MTCH2: variants seen among roughly 807,000 people sequenced by gnomAD.
MTCH2 encodes the protein mitochondrial carrier 2.
Under a neutral mutation model 50.6 loss-of-function variants are expected in MTCH2, and 25 were observed. That is an observed-to-expected ratio of 0.49 (90% CI 0.36 to 0.69). MTCH2 has a LOEUF of 0.69. Among genes scored for constraint, MTCH2 ranks in the 30% least tolerant of loss-of-function variants. MTCH2 has a pLI of 0.00. For missense variants in MTCH2, 273 were observed against 384.4 expected, an observed-to-expected ratio of 0.71 and a Z score of 2.42; for synonymous variants, 106 against 132.0, an observed-to-expected ratio of 0.80 and a Z score of 1.35.
chr11:47,612,039 G>A, the MTCH2 span, among the ~76,000 whole-genome samples: 1 of 152,102 alleles, frequency 6.6e-6, no homozygotes, highest in Non-Finnish European at 1.5e-5. Flanking sequence ...CTGTCATATG[G>A]GGAAGATTGG....
intron 5 of MTCH2, among the ~76,000 whole-genome samples, chr11:47,632,797 C>G (rs1300439609): frequency 6.6e-6 from 1 of 152,062 alleles, no homozygotes; most frequent in Non-Finnish European, 1.5e-5. Flanking sequence ...CTCCCAGGTT[C>G]AAGTGATTCT....
chr11:47,607,164 C>T, the MTCH2 span, among the ~76,000 whole-genome samples: 1 of 152,188 alleles, frequency 6.6e-6, no homozygotes, highest in Admixed American at 6.5e-5. Context: ...ATTTCTCTCA[C>T]TTAAAAAGTG....
chr11:47,605,015 C>G, the MTCH2 span, among the ~76,000 whole-genome samples: 1 of 151,962 alleles, frequency 6.6e-6, no homozygotes, highest in Non-Finnish European at 1.5e-5. Context: ...ACTGCAAGCT[C>G]CGCCTCCCAG....
intron 3 of MTCH2, among the ~76,000 whole-genome samples, chr11:47,637,959 G>A (rs925894944): frequency 6.6e-6 from 1 of 151,874 alleles, no homozygotes; most frequent in African/African-American, 2.4e-5. Context: ...TTTAATTCTT[G>A]TTCAGTTTAC....
At chr11:47,628,233 G>C (rs2097299824) in intron 9 of MTCH2, among the ~76,000 whole-genome samples, 2 of 152,174 alleles carry the variant, frequency 1.3e-5, no homozygotes, top group South Asian at 2.1e-4. Context: ...ATTCTCAAAA[G>C]GCTGAGGTTT....
chr11:47,609,626 CAAAAAAAAAA>C, the MTCH2 span, among the ~76,000 whole-genome samples: 11,239 of 89,070 alleles, frequency 0.13, 657 homozygotes, highest in African/African-American at 0.27. Flanking sequence ...GACTCTGTCT[CAAAAAAAAAA>C]AAAAAAAAAA....
intron 3 of MTCH2, 58 bp from the exon 4 acceptor site, chr11:47,635,629 C>T (rs2097307830): frequency 1.3e-6 from 2 of 1,510,530 alleles, no homozygotes; most frequent in Non-Finnish European, 1.8e-6. Flanking sequence ...TGAAAGAAGA[C>T]ATAAAATGAA....
rs779345289 is a variant in MTCH2 at position 47,638,852 on chromosome 11, T to C, written c.173-47A>G. Reference sequence around the variant, plus strand: ...GTTGTCAAGTTCTGGTCAAGAGAAATGGATATACTACAATTTCAAAGAAAC... The same window carrying C: ...GTTGTCAAGTTCTGGTCAAGAGAAACGGATATACTACAATTTCAAAGAAAC... On this transcript the variant is annotated intron_variant, in intron 2 of 12. Transcript: ENST00000302503. 2.6e-6 allele frequency: 4 copies of C among 1,560,622 alleles called. No individual in the cohort carries two copies. The Admixed American group carries it at 5.5e-5, about 21-fold the overall frequency.
At chr11:47,619,009 G>A (rs758453183) in intron 12 of MTCH2, 90 bp from the exon 13 acceptor site, 12 of 1,146,690 alleles carry the variant, frequency 1.0e-5, no homozygotes, top group East Asian at 9.4e-5. Flanking sequence ...ATTGGGAGAC[G>A]TGACTAAATC....
At chr11:47,630,488 C>G in intron 8 of MTCH2, 67 bp downstream of exon 8, 2 of 1,314,384 alleles carry the variant, frequency 1.5e-6, no homozygotes, top group East Asian at 2.3e-5. Context: ...CAAAGACTCA[C>G]TATTCTTACT....
the MTCH2 span, among the ~76,000 whole-genome samples, chr11:47,609,810 C>A: frequency 1.3e-5 from 2 of 152,140 alleles, no homozygotes; most frequent in Non-Finnish European, 2.9e-5. Context: ...CTGCCTTGAG[C>A]TGGCAGCAGG....
downstream of MTCH2, among the ~76,000 whole-genome samples, chr11:47,616,668 GTTTC>G (rs1405501861): frequency 1.3e-5 from 2 of 148,710 alleles, no homozygotes; most frequent in Non-Finnish European, 3.0e-5. Context: ...TCTTGCATGT[GTTTC>G]TTTTTTTTTC....
chr11:47,611,687 T>C, the MTCH2 span, among the ~76,000 whole-genome samples: 6 of 152,216 alleles, frequency 3.9e-5, no homozygotes, highest in Non-Finnish European at 8.8e-5. Flanking sequence ...GAATAACATC[T>C]GCAGGTCACA....
the MTCH2 span, among the ~76,000 whole-genome samples, chr11:47,606,933 T>C: frequency 6.6e-6 from 1 of 152,228 alleles, no homozygotes; most frequent in South Asian, 2.1e-4. Flanking sequence ...GCTCAGTGCC[T>C]GCTGCTCTCA....
chr11:47,625,780 C>A (rs767632456), intron 10 of MTCH2, 39 bp from the exon 11 acceptor site: 2 of 1,528,518 alleles, frequency 1.3e-6, no homozygotes, highest in South Asian at 2.3e-5. Flanking sequence ...TTAGATCATT[C>A]CTAGTCTTTA....
intron 5 of MTCH2, among the ~76,000 whole-genome samples, chr11:47,632,604 C>T (rs866566718): frequency 3.9e-5 from 6 of 152,094 alleles, no homozygotes; most frequent in Admixed American, 2.6e-4. Flanking sequence ...ATGATCCGCC[C>T]GCCTCGGCCT....
intron 8 of MTCH2, among the ~76,000 whole-genome samples, chr11:47,630,169 C>T (rs532271465): frequency 6.6e-6 from 1 of 152,262 alleles, no homozygotes; most frequent in South Asian, 2.1e-4. Flanking sequence ...GCTGGGATTA[C>T]AGGCACACAC....
At chr11:47,615,513 C>T (rs1258196182), downstream of MTCH2, among the ~76,000 whole-genome samples, 1 of 152,068 alleles carries the variant, frequency 6.6e-6, no homozygotes, top group African/African-American at 2.4e-5. Flanking sequence ...AGAAACATGT[C>T]ACTGGCAAGA....
intron 5 of MTCH2, 89 bp downstream of exon 5, chr11:47,634,583 G>T: frequency 1.0e-6 from 1 of 1,000,200 alleles, no homozygotes; most frequent in Non-Finnish European, 1.5e-6. Flanking sequence ...AACAGACACT[G>T]AACACACAGG....
Sources: allele counts gnomAD v4.1 joint callset (sites outside exome capture counted in the v4.1 genomes callset), GRCh38; gene constraint gnomAD v4.1.1; transcripts MANE v1.5; gene names NCBI Gene and HGNC (gene_info 2026-07-23, HGNC 2026-07-21).